KIF26B: variants seen among roughly 807,000 people sequenced by gnomAD.
The protein encoded by KIF26B is kinesin-like protein KIF26B.
KIF26B carries 63 observed loss-of-function variants against 151.2 expected under a neutral mutation model. The observed-to-expected ratio is 0.42, with a 90% CI of 0.34 to 0.51. The LOEUF is 0.51. Ranked by LOEUF, KIF26B falls within the 20% of genes least tolerant of loss-of-function variation. KIF26B has a pLI of 0.07. For synonymous variants in KIF26B, 1,357 were observed against 1,262.1 expected, an observed-to-expected ratio of 1.08 and a Z score of -1.59; for missense variants, 2,813 against 2,913.6, an observed-to-expected ratio of 0.97 and a Z score of 0.79.
At chr1:245,661,579 C>T (rs187292076) in intron 10 of KIF26B, among the ~76,000 whole-genome samples, 2 of 151,454 alleles carry the variant, frequency 1.3e-5, no homozygotes, top group Admixed American at 6.6e-5. Context: ...TATATATACA[C>T]ACCCCCAATA....
intron 2 of KIF26B, among the ~76,000 whole-genome samples, chr1:245,266,199 C>T (rs1301974921): frequency 6.6e-6 from 1 of 151,984 alleles, no homozygotes; most frequent in Non-Finnish European, 1.5e-5. Context: ...GAAAAGGTAC[C>T]TAATCATCAG....
intron 5 of KIF26B, among the ~76,000 whole-genome samples, chr1:245,552,830 C>G (rs1661925255): frequency 6.6e-6 from 1 of 152,094 alleles, no homozygotes; most frequent in African/African-American, 2.4e-5. Flanking sequence ...AAACTCCTGG[C>G]CTCAAGTGAT....
At chr1:245,556,072 GCT>G (rs1662017321) in intron 5 of KIF26B, among the ~76,000 whole-genome samples, 1 of 152,224 alleles carries the variant, frequency 6.6e-6, no homozygotes, top group African/African-American at 2.4e-5. Context: ...GCTCCGGCTT[GCT>G]GGGGACACTG....
intron 2 of KIF26B, among the ~76,000 whole-genome samples, chr1:245,341,863 G>A (rs754123220): frequency 3.3e-5 from 5 of 152,206 alleles, no homozygotes; most frequent in Non-Finnish European, 5.9e-5. Flanking sequence ...CAGTGTCTAA[G>A]CTCCTGCGTC....
chr1:245,633,517 T>C (rs765060235), intron 9 of KIF26B, among the ~76,000 whole-genome samples: 3 of 152,152 alleles, frequency 2.0e-5, no homozygotes, highest in African/African-American at 4.8e-5. Flanking sequence ...CTCATTCGTG[T>C]ATCTGCTCTC....
In KIF26B at chr1:245,352,837, G is replaced by A. The variant is rs74153548; in HGVS notation, c.466-13997G>A. The stretch of plus-strand genomic sequence containing the variant: ...GGTTTCTTCCTAAAGAGATGTACAC[G>A]TGTGTGTGTGTGTGTGTGTGGTGGG... On this transcript the variant is annotated intron_variant, in intron 2 of 14. Coordinates refer to ENST00000407071, the MANE Select transcript of KIF26B (RefSeq NM_018012.4). The surrounding 1 kb of genome is among the most constrained non-coding windows in gnomAD (Gnocchi z 5.0). 0.014 allele frequency among the ~76,000 whole-genome samples: 1,732 copies of A among 120,854 alleles called. 12 individuals are homozygous for A. The highest frequency in any genetic ancestry group is 0.049 in the South Asian group (204 of 4,156). 79.3% of individuals were successfully genotyped at this position (120,854 alleles called of 152,430 possible).
chr1:245,654,456 G>T (rs1246792390), intron 10 of KIF26B, among the ~76,000 whole-genome samples: 1 of 152,140 alleles, frequency 6.6e-6, no homozygotes, highest in Non-Finnish European at 1.5e-5. Flanking sequence ...TGACAGTCTG[G>T]GTCCCGTGTT....
intron 9 of KIF26B, among the ~76,000 whole-genome samples, chr1:245,615,448 A>C (rs2043578337): frequency 6.6e-6 from 1 of 152,202 alleles, no homozygotes; most frequent in Non-Finnish European, 1.5e-5. Flanking sequence ...AGTTCATTAA[A>C]TGACTTCAAA....
At position 245,387,697 on chromosome 1, in the gene KIF26B, A is replaced by C. The variant is rs534984778; in HGVS notation, c.999+20330A>C. Among the ~76,000 whole-genome samples the C allele has an allele frequency of 1.2e-3, 185 of 152,244 alleles. 1 individual carries two copies. Among genetic ancestry groups the C allele is most frequent in the African/African-American group, 4.2e-3 (173 of 41,548 alleles). Reference sequence around the variant, plus strand: ...ACAGAGTGAGACCCTATCTCAAAAAAACCCGCAACAAACTAAAAAAAATCC... The same window carrying C: ...ACAGAGTGAGACCCTATCTCAAAAACACCCGCAACAAACTAAAAAAAATCC... On this transcript the variant is annotated intron_variant, in intron 3 of 14. Transcript: ENST00000407071.
intron 5 of KIF26B, among the ~76,000 whole-genome samples, chr1:245,558,558 T>C (rs1662091222): frequency 1.3e-5 from 2 of 152,322 alleles, no homozygotes; most frequent in African/African-American, 4.8e-5. Flanking sequence ...TAAGTGGGCA[T>C]TTATTTCTCT....
At chr1:245,278,844 A>G (rs1670985080) in intron 2 of KIF26B, among the ~76,000 whole-genome samples, 2 of 152,150 alleles carry the variant, frequency 1.3e-5, no homozygotes, top group South Asian at 2.1e-4. Flanking sequence ...TTTCTGGCCT[A>G]TGAAATGGAG....
At chr1:245,449,461 C>G (rs527686187) in intron 4 of KIF26B, among the ~76,000 whole-genome samples, 1 of 152,046 alleles carries the variant, frequency 6.6e-6, no homozygotes, top group African/African-American at 2.4e-5. Context: ...CTTGCATTGT[C>G]GCTGGATCAG....
intron 4 of KIF26B, among the ~76,000 whole-genome samples, chr1:245,424,653 G>C (rs1205791085): frequency 6.6e-6 from 1 of 152,200 alleles, no homozygotes; most frequent in Admixed American, 6.5e-5. Context: ...ACTGGTCTGT[G>C]ATAAGTATAG....
At chr1:245,530,804 T>G (rs1201563564) in intron 4 of KIF26B, among the ~76,000 whole-genome samples, 1 of 151,406 alleles carries the variant, frequency 6.6e-6, no homozygotes, top group Non-Finnish European at 1.5e-5. Flanking sequence ...AATTTAGGAG[T>G]AGACTCTAAT....
Position 245,540,461 on chromosome 1 carries a change from AG to A in KIF26B, c.1167-305del. On this transcript the variant is annotated intron_variant, in intron 4 of 14. Coordinates refer to ENST00000407071, the MANE Select transcript of KIF26B (RefSeq NM_018012.4). The surrounding 1 kb of genome is among the most constrained non-coding windows in gnomAD (Gnocchi z 4.6). Reference sequence around the variant, plus strand: ...ACTTAATGGGTGCCCTTATCCCCAAAGATGCCCAGCTTTGTTCCTGCTTAAG... The same window carrying A: ...ACTTAATGGGTGCCCTTATCCCCAAAATGCCCAGCTTTGTTCCTGCTTAAG... 1 of 587,254 alleles carries A rather than the reference AG, an allele frequency of 1.7e-6. No individual in the cohort carries two copies. Among genetic ancestry groups the A allele is most frequent in the Non-Finnish European group, 3.2e-6 (1 of 313,830 alleles). 36.4% of individuals were successfully genotyped at this position (587,254 alleles called of 1,614,324 possible).
chr1:245,323,258 T>G (rs1446827321), intron 2 of KIF26B, among the ~76,000 whole-genome samples: 1 of 152,222 alleles, frequency 6.6e-6, no homozygotes, highest in Non-Finnish European at 1.5e-5. Flanking sequence ...CAAAGCTCTT[T>G]TGCAGACATT....
rs1167532555 is a variant in KIF26B, at chr1:245,167,478, C to T, written c.465+10795C>T. On this transcript the variant is annotated intron_variant, in intron 2 of 14. Coordinates refer to ENST00000407071, the MANE Select transcript of KIF26B (RefSeq NM_018012.4). This position sits in a 1 kb window ranked among gnomAD's most constrained non-coding sequence, Gnocchi z 4.2. ...TGGTTGCTTTCTTTGGGGTTATAAT[C>T]ACTACTTCCCAACCCTTCCTCCACC... Among the ~76,000 whole-genome samples the T allele has an allele frequency of 1.3e-5, 2 of 152,156 alleles. No individual in the cohort carries two copies. Among genetic ancestry groups the T allele is most frequent in the Non-Finnish European group, 2.9e-5 (2 of 68,022 alleles).
At chr1:245,171,211 T>C (rs1043487911) in intron 2 of KIF26B, among the ~76,000 whole-genome samples, 1 of 152,252 alleles carries the variant, frequency 6.6e-6, no homozygotes, top group African/African-American at 2.4e-5. Flanking sequence ...CAGCACATTA[T>C]ATCTCTTCAG....
intron 2 of KIF26B, among the ~76,000 whole-genome samples, chr1:245,274,897 C>T (rs1670913201): frequency 6.6e-6 from 1 of 152,278 alleles, no homozygotes; most frequent in South Asian, 2.1e-4. Flanking sequence ...GAGGAATTGC[C>T]ACACTGTCTT....
Sources: gnomAD v4.1 joint callset for allele counts (sites outside exome capture counted in the v4.1 genomes callset) on GRCh38, gnomAD v4.1.1 for gene constraint, Gnocchi (gnomAD v3.1) non-coding constraint, MANE v1.5 for transcripts, NCBI Gene and HGNC (gene_info 2026-07-23, HGNC 2026-07-21) for gene names.